EXOC6: variants seen among roughly 807,000 people sequenced by gnomAD.
The protein encoded by EXOC6 is exocyst complex component 6, also known as SEC15-like 1.
Under a neutral mutation model 112.5 loss-of-function variants are expected in EXOC6, and 60 were observed. That is an observed-to-expected ratio of 0.53 (90% CI 0.43 to 0.66). EXOC6 has a LOEUF of 0.66. Among genes scored for constraint, EXOC6 ranks in the 30% least tolerant of loss-of-function variants. EXOC6 has a pLI of 0.00. For missense variants in EXOC6, 855 were observed against 957.1 expected, an observed-to-expected ratio of 0.89 and a Z score of 1.41; for synonymous variants, 295 against 308.0, an observed-to-expected ratio of 0.96 and a Z score of 0.44.
intron 13 of EXOC6, among the ~76,000 whole-genome samples, chr10:92,941,638 A>G (rs756883165): frequency 4.9e-4 from 75 of 152,304 alleles, no homozygotes; most frequent in South Asian, 1.9e-3. Flanking sequence ...GATATTTTGT[A>G]TTAGAGACAG....
At chr10:92,843,343 G>T (rs1846925894) in intron 1 of EXOC6, among the ~76,000 whole-genome samples, 4 of 152,198 alleles carry the variant, frequency 2.6e-5, no homozygotes, top group Admixed American at 2.0e-4. Flanking sequence ...TCTGAAACGA[G>T]TGGCTAAAAG....
intron 1 of EXOC6, among the ~76,000 whole-genome samples, chr10:92,851,887 A>G (rs906949271): frequency 6.6e-6 from 1 of 152,144 alleles, no homozygotes. Flanking sequence ...CCTGGGTAAC[A>G]TAATGAGACC....
At chr10:92,949,662 G>A (rs374158123) in intron 14 of EXOC6, among the ~76,000 whole-genome samples, 39 of 150,186 alleles carry the variant, frequency 2.6e-4, no homozygotes, top group African/African-American at 8.6e-4. Flanking sequence ...GTGCCATCTC[G>A]GCTTACTGCA....
chr10:92,955,010 A>G (rs1853612876), intron 16 of EXOC6, among the ~76,000 whole-genome samples: 1 of 152,048 alleles, frequency 6.6e-6, no homozygotes, highest in Non-Finnish European at 1.5e-5. Context: ...TGGGCAATAT[A>G]GTGAGACCCT....
At chr10:92,851,894 G>A (rs1245127512) in intron 1 of EXOC6, among the ~76,000 whole-genome samples, 3 of 152,060 alleles carry the variant, frequency 2.0e-5, no homozygotes, top group Non-Finnish European at 4.4e-5. Context: ...AACATAATGA[G>A]ACCTTGTCTC....
chr10:92,896,614 G>T (rs953448230), intron 4 of EXOC6, among the ~76,000 whole-genome samples: 1 of 151,840 alleles, frequency 6.6e-6, no homozygotes, highest in Non-Finnish European at 1.5e-5. Flanking sequence ...TTGAGACAGA[G>T]TCTCACTCTG....
At chr10:92,944,839 C>T (rs1464333507) in intron 13 of EXOC6, among the ~76,000 whole-genome samples, 1 of 150,562 alleles carries the variant, frequency 6.6e-6, no homozygotes, top group Non-Finnish European at 1.5e-5. Context: ...ATGGTGCAAT[C>T]TCAGCTCACT....
chr10:92,876,702 T>C (rs888438979), intron 1 of EXOC6, among the ~76,000 whole-genome samples: 3 of 152,314 alleles, frequency 2.0e-5, no homozygotes, highest in Non-Finnish European at 4.4e-5. Flanking sequence ...AGTAAAGTGA[T>C]GTAGGTTCCT....
At chr10:92,882,767 G>C (rs1849029113) in intron 1 of EXOC6, among the ~76,000 whole-genome samples, 1 of 152,136 alleles carries the variant, frequency 6.6e-6, no homozygotes, top group South Asian at 2.1e-4. Flanking sequence ...GAGTTGCGGT[G>C]TTTCAAGTCT....
intron 18 of EXOC6, among the ~76,000 whole-genome samples, chr10:92,978,572 T>C (rs1842719064): frequency 6.6e-6 from 1 of 152,172 alleles, no homozygotes; most frequent in Non-Finnish European, 1.5e-5. Flanking sequence ...TTTTCTAAAA[T>C]CCTGAAATTG....
upstream of EXOC6, among the ~76,000 whole-genome samples, chr10:92,845,829 TC>T (rs1318185862): frequency 6.6e-6 from 1 of 151,832 alleles, no homozygotes; most frequent in East Asian, 1.9e-4. Flanking sequence ...TCCCAGCTAC[TC>T]CGGAGGCTGA....
intron 1 of EXOC6, among the ~76,000 whole-genome samples, chr10:92,889,658 T>G (rs1381314105): frequency 2.6e-5 from 4 of 152,248 alleles, no homozygotes; most frequent in African/African-American, 7.2e-5. Flanking sequence ...TTGATCTGTT[T>G]GTTTTACCAA....
intron 1 of EXOC6, among the ~76,000 whole-genome samples, chr10:92,883,340 GTCTT>G (rs1417674417): frequency 6.6e-6 from 1 of 152,096 alleles, no homozygotes; most frequent in African/African-American, 2.4e-5. Flanking sequence ...TTTAAAAACT[GTCTT>G]TATAGCAGCA....
At chr10:92,948,613 A>ACTACTACTT (rs1853200262) in intron 14 of EXOC6, among the ~76,000 whole-genome samples, 1 of 150,272 alleles carries the variant, frequency 6.7e-6, no homozygotes, top group Non-Finnish European at 1.5e-5. Flanking sequence ...TACTACTACT[A>ACTACTACTT]CTACTACTGA....
chr10:92,904,463 GTGT>G lies in EXOC6; in HGVS notation c.458+4823_458+4825del, dbSNP rs1415454134. 5.3e-5 allele frequency among the ~76,000 whole-genome samples: 8 copies of G among 152,148 alleles called. No individual in the cohort carries two copies. In the East Asian group the frequency reaches 1.5e-3, roughly 29 times the overall value. On this transcript the variant is annotated intron_variant, in intron 5 of 21. Coordinates refer to ENST00000260762, the MANE Select transcript of EXOC6 (RefSeq NM_019053.6). ...TGCTCCACATCCTCCACAGGATTTA[GTGT>G]TGTCATTTTTTCGGATTTTGCCTAT...
chr10:93,042,581 T>C (rs577819512), intron 20 of EXOC6, among the ~76,000 whole-genome samples: 1 of 152,318 alleles, frequency 6.6e-6, no homozygotes, highest in East Asian at 1.9e-4. Context: ...TGAAAGTAGC[T>C]TGATTTTTAA....
At chr10:92,943,071 G>C (rs1003746563) in intron 13 of EXOC6, among the ~76,000 whole-genome samples, 4 of 151,074 alleles carry the variant, frequency 2.6e-5, no homozygotes, top group Non-Finnish European at 5.9e-5. Context: ...ACCTGTGCTG[G>C]AGTGCAGTGG....
At chr10:92,887,049 A>C (rs886791140) in intron 1 of EXOC6, among the ~76,000 whole-genome samples, 40 of 152,208 alleles carry the variant, frequency 2.6e-4, no homozygotes, top group African/African-American at 8.9e-4. Flanking sequence ...TGTTGACCTG[A>C]AGAGCACATC....
At chr10:92,912,417 G>T (rs1252103816) in intron 6 of EXOC6, among the ~76,000 whole-genome samples, 4 of 152,038 alleles carry the variant, frequency 2.6e-5, no homozygotes, top group Non-Finnish European at 5.9e-5. Context: ...CTGCCTTCTG[G>T]TCCCACGGTG....
Sources: gnomAD v4.1 joint callset for allele counts (sites outside exome capture counted in the v4.1 genomes callset) on GRCh38, gnomAD v4.1.1 for gene constraint, MANE v1.5 for transcripts, NCBI Gene and HGNC (gene_info 2026-07-23, HGNC 2026-07-21) for gene names.